The following CFAP54 variants were observed in gnomAD, a reference collection of about 807,000 sequenced individuals.
CFAP54 encodes the protein cilia- and flagella-associated protein 54.
A neutral mutation model predicts 370.4 loss-of-function variants in CFAP54; 290 were observed. That is an observed-to-expected ratio of 0.78 (90% confidence interval 0.71 to 0.86). The LOEUF (loss-of-function observed/expected upper bound fraction) is 0.86. Among genes scored for constraint, CFAP54 ranks in the 40% least tolerant of loss-of-function variants. CFAP54 has a pLI of 0.00. For missense variants in CFAP54, 3,399 were observed against 3,528.7 expected (o/e 0.96, Z 0.93); for synonymous variants, 1,206 against 1,236.5 (o/e 0.98, Z 0.52).
intron 43 of CFAP54, among the ~76,000 whole-genome samples, 181 bp downstream of exon 43, chr12:96,689,163 T>C (rs920109694): frequency 6.6e-6 from 1 of 152,150 alleles, no homozygotes; most frequent in Non-Finnish European, 1.5e-5. Context: ...CCTTTAATTT[T>C]TTTTTTTCTT....
chr12:96,759,658 T>C (rs1409839360), intron 58 of CFAP54, among the ~76,000 whole-genome samples: 2 of 152,216 alleles, frequency 1.3e-5, no homozygotes, highest in Non-Finnish European at 2.9e-5. Context: ...GTTTCACTTT[T>C]ATGTAGTGTC....
At chr12:96,615,068 A>T (rs1956400588) in intron 26 of CFAP54, among the ~76,000 whole-genome samples, 1 of 152,240 alleles carries the variant, frequency 6.6e-6, no homozygotes, top group African/African-American at 2.4e-5. Context: ...ATCCTAAGCC[A>T]AAAGAACAAA....
intron 8 of CFAP54, among the ~76,000 whole-genome samples, chr12:96,522,719 G>T (rs1955334364): frequency 6.6e-6 from 1 of 152,140 alleles, no homozygotes; most frequent in Non-Finnish European, 1.5e-5. Flanking sequence ...GTTATCAGGG[G>T]CTCTGCCTTA....
intron 60 of CFAP54, among the ~76,000 whole-genome samples, chr12:96,766,314 T>G (rs564316004): frequency 1.7e-3 from 262 of 152,302 alleles, no homozygotes; most frequent in African/African-American, 6.1e-3. Context: ...GGGAGAATTT[T>G]GCTTTATTGG....
intron 66 of CFAP54, among the ~76,000 whole-genome samples, chr12:96,830,049 G>A (rs1003747520): frequency 6.6e-6 from 1 of 152,080 alleles, no homozygotes; most frequent in Non-Finnish European, 1.5e-5. Flanking sequence ...ACATGTCCTA[G>A]TATTTTATTC....
chr12:96,758,370 TC>T (rs1958290155), intron 58 of CFAP54, among the ~76,000 whole-genome samples: 1 of 152,174 alleles, frequency 6.6e-6, no homozygotes, highest in Non-Finnish European at 1.5e-5. Flanking sequence ...GAAAGTCACA[TC>T]TTACATGGCA....
chr12:96,629,624 T>C (rs993925818), intron 30 of CFAP54, among the ~76,000 whole-genome samples: 2 of 151,828 alleles, frequency 1.3e-5, no homozygotes, highest in Non-Finnish European at 2.9e-5. Context: ...ATACATTGTA[T>C]AATATATTTT....
Position 96,874,669 on chromosome 12 carries a change from G to A in CFAP54, c.*15-449G>A, listed in dbSNP as rs1379234105. ...TTTTGAGACGGAGTCTCGCTCTGTC[G>A]CCCAGGCTGGAGTGCAGTGGCGCGA... On this transcript the variant is annotated intron_variant, in intron 67 of 67. Coordinates refer to ENST00000524981, the MANE Select transcript of CFAP54 (RefSeq NM_001306084.2). Among the ~76,000 whole-genome samples, 6 of 115,002 alleles carry A rather than the reference G, an allele frequency of 5.2e-5. No homozygotes were observed. The South Asian group carries it at 1.1e-3, about 21-fold the overall frequency. The allele number at this position is 115,002 out of a possible 152,430, so 75.4% of individuals were successfully genotyped here.
chr12:96,787,587 T>C (rs1490538336), intron 62 of CFAP54, among the ~76,000 whole-genome samples: 1 of 152,160 alleles, frequency 6.6e-6, no homozygotes, highest in Non-Finnish European at 1.5e-5. Context: ...GTAAAGGATT[T>C]TACTTAAAAA....
intron 67 of CFAP54, among the ~76,000 whole-genome samples, chr12:96,871,129 C>CTGTTGGCT (rs1960151538): frequency 6.6e-6 from 1 of 152,298 alleles, no homozygotes; most frequent in East Asian, 1.9e-4. Context: ...TCTCCTAAAA[C>CTGTTGGCT]TGTTGGCTGA....
At chr12:96,499,818 C>T (rs1270170231) in intron 1 of CFAP54, among the ~76,000 whole-genome samples, 3 of 151,988 alleles carry the variant, frequency 2.0e-5, no homozygotes, top group African/African-American at 7.3e-5. Context: ...TGGTGGTGCA[C>T]GCCTGTAATC....
At chr12:96,659,290 C>T (rs551149246) in intron 38 of CFAP54, among the ~76,000 whole-genome samples, 144 of 152,190 alleles carry the variant, frequency 9.5e-4, no homozygotes, top group Middle Eastern at 3.4e-3. Context: ...ACTGCCAACA[C>T]GCCCGGCTAA....
intron 25 of CFAP54, among the ~76,000 whole-genome samples, chr12:96,598,272 G>A (rs1956200281): frequency 6.6e-6 from 1 of 151,988 alleles, no homozygotes; most frequent in African/African-American, 2.4e-5. Context: ...TATTTAATAT[G>A]CCATATAAGC....
chr12:96,805,317 A>G (rs929151524), intron 63 of CFAP54, among the ~76,000 whole-genome samples: 1 of 152,140 alleles, frequency 6.6e-6, no homozygotes, highest in Non-Finnish European at 1.5e-5. Context: ...GCAGAATGGG[A>G]AAAAATTGCA....
chr12:96,848,592 G>C (rs1959435708), intron 66 of CFAP54, among the ~76,000 whole-genome samples: 1 of 152,112 alleles, frequency 6.6e-6, no homozygotes, highest in Non-Finnish European at 1.5e-5. Context: ...AGCTGCTTGG[G>C]AGGTTGTGGC....
chr12:96,680,698 A>G (rs1449686901), intron 40 of CFAP54, among the ~76,000 whole-genome samples: 2 of 151,660 alleles, frequency 1.3e-5, no homozygotes, highest in African/African-American at 2.4e-5. Flanking sequence ...ATGTATCCAT[A>G]GTTTTTGGTT....
chr12:96,825,124 C>T (rs924899538), intron 65 of CFAP54, among the ~76,000 whole-genome samples: 2 of 149,450 alleles, frequency 1.3e-5, no homozygotes, highest in Non-Finnish European at 3.0e-5. Flanking sequence ...ATTCTTATGA[C>T]CCTTCCTCCA....
At chr12:96,652,057 C>A (rs1003541227) in intron 36 of CFAP54, among the ~76,000 whole-genome samples, 46 of 152,002 alleles carry the variant, frequency 3.0e-4, no homozygotes, top group African/African-American at 1.1e-3. Flanking sequence ...AACTCCAGCC[C>A]CTACATAAAT....
intron 39 of CFAP54, among the ~76,000 whole-genome samples, chr12:96,666,301 T>C (rs1957080157): frequency 6.6e-6 from 1 of 152,232 alleles, no homozygotes; most frequent in African/African-American, 2.4e-5. Flanking sequence ...ATTATTCTAT[T>C]AGTTTTACTA....
Sources: allele counts gnomAD v4.1 joint callset (sites outside exome capture counted in the v4.1 genomes callset), GRCh38; gene constraint gnomAD v4.1.1; transcripts MANE v1.5; gene names NCBI Gene and HGNC (gene_info 2026-07-23, HGNC 2026-07-21).